Variants in ZNF138 observed in about 807,000 individuals in gnomAD.
The protein encoded by ZNF138 is zinc finger protein 138 (clone pHZ-32).
ZNF138 carries 33 observed loss-of-function variants against 33.0 expected under a neutral mutation model. The observed-to-expected ratio is 1.00, with a 90% CI of 0.76 to 1.34. ZNF138 has a LOEUF of 1.34. ZNF138 is among the 40% of genes most tolerant of loss of function. ZNF138 has a pLI of 0.00. For synonymous variants in ZNF138, 139 were observed against 120.4 expected (o/e 1.15, Z -1.01); for missense variants, 360 against 370.8 (o/e 0.97, Z 0.24).
chr7:64,848,087 GAC>G, the ZNF138 span, among the ~76,000 whole-genome samples: 1 of 151,902 alleles, frequency 6.6e-6, no homozygotes, highest in African/African-American at 2.4e-5. Flanking sequence ...GTCTGAAAGA[GAC>G]AGTATCTTTT....
intron 1 of ZNF138, among the ~76,000 whole-genome samples, chr7:64,799,762 G>C (rs145666949): frequency 0.014 from 2,187 of 152,224 alleles, 53 homozygotes; most frequent in African/African-American, 0.05. Flanking sequence ...TCCTGCCTTA[G>C]CCTGCCAAGT....
At position 64,811,966 on chromosome 7, in the gene ZNF138, T is replaced by G. The variant is rs901271129; in HGVS notation, c.4-2952T>G. 2.6e-4 allele frequency among the ~76,000 whole-genome samples: 39 copies of G among 152,296 alleles called. 1 individual carries two copies. Among genetic ancestry groups the G allele is most frequent in the African/African-American group, 8.2e-4 (34 of 41,578 alleles). Reference sequence around the variant, plus strand: ...TGAGAGGTAATGCTTAGCTAAATGGTTATTAGCCCAGACTTCTAATTAGGA... The same window carrying G: ...TGAGAGGTAATGCTTAGCTAAATGGGTATTAGCCCAGACTTCTAATTAGGA... On this transcript the variant is annotated intron_variant, in intron 1 of 3. Coordinates refer to ENST00000307355, the MANE Select transcript of ZNF138 (RefSeq NM_001271639.2).
In ZNF138 at chr7:64,831,596, G is replaced by A. The variant is rs201264316; in HGVS notation, c.354G>A (p.Lys118=). ...RKGCKSVDEC[K]GHQGGFNGLN... ...GCTGTAAAAGTGTGGATGAGTGTAA[G>A]GGACACCAAGGAGGTTTTAATGGAC... is the stretch of plus-strand genomic sequence containing the variant. The change falls in exon 4 of 4, where the codon AAG becomes AAA. Residue 118 remains lysine (K), a synonymous_variant. Transcript: ENST00000307355. 6.2e-7 allele frequency: 1 copy of A among 1,612,792 alleles called. No homozygotes were observed. Among genetic ancestry groups the A allele is most frequent in the Non-Finnish European group, 8.5e-7 (1 of 1,179,708 alleles).
intron 3 of ZNF138, among the ~76,000 whole-genome samples, chr7:64,825,257 C>G (rs1044687302): frequency 6.8e-6 from 1 of 146,060 alleles, no homozygotes; most frequent in Admixed American, 7.1e-5. Flanking sequence ...ACTGCAAGCT[C>G]TGCCTCCCGG....
chr7:64,838,819 C>A, the ZNF138 span, among the ~76,000 whole-genome samples: 1 of 152,090 alleles, frequency 6.6e-6, no homozygotes, highest in East Asian at 1.9e-4. Flanking sequence ...CAAATGGGAA[C>A]TAACAGGAAT....
intron 3 of ZNF138, chr7:64,831,040 GTGT>G: frequency 6.4e-7 from 1 of 1,551,990 alleles, no homozygotes; most frequent in Non-Finnish European, 8.7e-7. Context: ...ACAGAAACCA[GTGT>G]CTGCAAAAGC....
At chr7:64,813,036 T>A (rs542974501) in intron 1 of ZNF138, among the ~76,000 whole-genome samples, 4 of 146,626 alleles carry the variant, frequency 2.7e-5, no homozygotes, top group Non-Finnish European at 4.6e-5. Context: ...TGAAAAAAAA[T>A]GTTTTTTCCT....
chr7:64,815,950 G>A (rs561044398), intron 3 of ZNF138, among the ~76,000 whole-genome samples: 2 of 151,332 alleles, frequency 1.3e-5, no homozygotes, highest in Non-Finnish European at 2.9e-5. Flanking sequence ...TTAAGGACAC[G>A]CAAATATCTG....
chr7:64,841,660 G>A, the ZNF138 span, among the ~76,000 whole-genome samples: 1 of 152,118 alleles, frequency 6.6e-6, no homozygotes, highest in Non-Finnish European at 1.5e-5. Flanking sequence ...GTCTTATTAT[G>A]TGTCTTCTGT....
intron 1 of ZNF138, among the ~76,000 whole-genome samples, chr7:64,800,419 A>C (rs147138871): frequency 0.025 from 3,800 of 152,250 alleles, 71 homozygotes; most frequent in Admixed American, 0.046. Flanking sequence ...TTTTTTTGAA[A>C]GCTCCTGCAT....
At chr7:64,852,482 G>T in the ZNF138 span, 22 of 1,583,028 alleles carry the variant, frequency 1.4e-5, no homozygotes, top group Non-Finnish European at 1.4e-5. Context: ...TATGATTCTG[G>T]CTGTGTGGTT....
At chr7:64,817,703 A>T (rs1244441968) in intron 3 of ZNF138, among the ~76,000 whole-genome samples, 1 of 151,494 alleles carries the variant, frequency 6.6e-6, no homozygotes, top group African/African-American at 2.4e-5. Flanking sequence ...TGGGGCATAA[A>T]AAAATAGGGC....
intron 3 of ZNF138, 139 bp downstream of exon 3, chr7:64,815,792 T>A (rs1417392916): frequency 1.4e-6 from 1 of 703,424 alleles, no homozygotes; most frequent in Non-Finnish European, 2.3e-6. Context: ...ATTTTGCTCT[T>A]ACATAAGACA....
intron 1 of ZNF138, among the ~76,000 whole-genome samples, chr7:64,800,788 A>G (rs2128985761): frequency 6.6e-6 from 1 of 152,242 alleles, no homozygotes; most frequent in African/African-American, 2.4e-5. Flanking sequence ...ATCTTGTAGA[A>G]TTTAGCTGTG....
At chr7:64,844,553 G>C in the ZNF138 span, among the ~76,000 whole-genome samples, 5 of 151,798 alleles carry the variant, frequency 3.3e-5, no homozygotes, top group Non-Finnish European at 7.4e-5. Context: ...AAATGAGAAA[G>C]GTGAGGCTGG....
the ZNF138 span, chr7:64,853,219 G>A: frequency 6.2e-7 from 1 of 1,605,118 alleles, no homozygotes; most frequent in Non-Finnish European, 8.5e-7. Flanking sequence ...AAGTGGTTCT[G>A]TAAAGATTCC....
At chr7:64,829,848 C>T (rs1372849142) in intron 3 of ZNF138, among the ~76,000 whole-genome samples, 1 of 152,038 alleles carries the variant, frequency 6.6e-6, no homozygotes, top group Non-Finnish European at 1.5e-5. Context: ...TGTGTATATG[C>T]ATGTCTTTCC....
At chr7:64,809,024 T>C (rs1196460175) in intron 1 of ZNF138, among the ~76,000 whole-genome samples, 6 of 129,458 alleles carry the variant, frequency 4.6e-5, no homozygotes, top group African/African-American at 1.6e-4. Flanking sequence ...TTCTCAATCT[T>C]TTCCCCACCT....
chr7:64,843,635 C>A, the ZNF138 span, among the ~76,000 whole-genome samples: 3 of 151,792 alleles, frequency 2.0e-5, no homozygotes, highest in African/African-American at 7.3e-5. Context: ...GTCATATAGT[C>A]ATTTGAGTTT....
Sources: gnomAD v4.1 joint callset for allele counts (sites outside exome capture counted in the v4.1 genomes callset) on GRCh38, gnomAD v4.1.1 for gene constraint, MANE v1.5 for transcripts, NCBI Gene and HGNC (gene_info 2026-07-23, HGNC 2026-07-21) for gene names.